TMEM51: variants seen among roughly 807,000 people sequenced by gnomAD.
TMEM51 encodes transmembrane protein 51.
In TMEM51, 8 loss-of-function variants were observed where a neutral mutation model predicts 13.6. The ratio of observed to expected loss-of-function variants is 0.59; its 90% CI spans 0.35 to 1.07. TMEM51 has a LOEUF of 1.07. Among genes scored for constraint, TMEM51 ranks in the 50% least tolerant of loss-of-function variants. The pLI, the probability that TMEM51 is intolerant of heterozygous loss-of-function variation, is 0.02. For missense variants in TMEM51, 279 were observed against 330.7 expected (o/e 0.84, Z 1.21); for synonymous variants, 147 against 144.4 (o/e 1.02, Z -0.13).
chr1:15,189,752 A>G (rs1259555638), intron 1 of TMEM51, among the ~76,000 whole-genome samples: 1 of 152,184 alleles, frequency 6.6e-6, no homozygotes, highest in Non-Finnish European at 1.5e-5. Flanking sequence ...GACATGCAAA[A>G]TGTCCAGCTC....
At chr1:15,206,364 G>A (rs964867475) in intron 1 of TMEM51, among the ~76,000 whole-genome samples, 17 of 152,114 alleles carry the variant, frequency 1.1e-4, no homozygotes, top group Middle Eastern at 3.4e-3. Flanking sequence ...AAGGAAGGAG[G>A]GAGGGTAGGG....
intron 1 of TMEM51, among the ~76,000 whole-genome samples, chr1:15,195,038 C>T (rs1228462662): frequency 2.7e-5 from 4 of 149,896 alleles, no homozygotes; most frequent in Non-Finnish European, 5.9e-5. Context: ...GATCCTCCCA[C>T]TTCAGCCTCC....
At chr1:15,212,941 G>A (rs1339394200) in intron 2 of TMEM51, among the ~76,000 whole-genome samples, 2 of 152,222 alleles carry the variant, frequency 1.3e-5, no homozygotes, top group Non-Finnish European at 2.9e-5. Flanking sequence ...CAAGAGCAGA[G>A]CCAGTGCGTT....
At chr1:15,169,133 A>G (rs1433708127) in intron 1 of TMEM51, among the ~76,000 whole-genome samples, 1 of 152,168 alleles carries the variant, frequency 6.6e-6, no homozygotes, top group Non-Finnish European at 1.5e-5. Context: ...CTTCTCCAAG[A>G]GTTTAGTGAG....
At chr1:15,204,961 C>G (rs909691851) in intron 1 of TMEM51, among the ~76,000 whole-genome samples, 1 of 152,116 alleles carries the variant, frequency 6.6e-6, no homozygotes, top group Non-Finnish European at 1.5e-5. Flanking sequence ...TTCGAGGTGT[C>G]AGACTCACAT....
chr1:15,219,708 CAGG>C lies in TMEM51; in HGVS notation c.730_732del (p.Glu244del). ...TCCTCCACCGCAGTATGATGAAGTC[CAGG>C]AGAAGGCCCCCGACACCCGGCCGCC... On this transcript the variant is annotated inframe_deletion, in exon 4 of 4. Coordinates refer to ENST00000376008, the MANE Select transcript of TMEM51 (RefSeq NM_001136218.2). 6.2e-7 allele frequency: 1 copy of C among 1,613,658 alleles called. No individual in the cohort carries two copies. The highest frequency in any genetic ancestry group is 8.5e-7 in the Non-Finnish European group (1 of 1,179,958).
chr1:15,167,327 A>C (rs12733504), intron 1 of TMEM51, among the ~76,000 whole-genome samples: 5,694 of 31,148 alleles, frequency 0.18, 425 homozygotes, highest in East Asian at 0.27. Context: ...ACTCCATCTC[A>C]AAAAAAAAAA....
intron 1 of TMEM51, chr1:15,192,224 C>A: frequency 5.6e-6 from 2 of 356,330 alleles, no homozygotes; most frequent in South Asian, 2.5e-5. Flanking sequence ...CTTTCTAAAT[C>A]CAGAAAATCT....
chr1:15,159,171 CTG>C (rs1642687056), intron 1 of TMEM51, among the ~76,000 whole-genome samples: 1 of 152,236 alleles, frequency 6.6e-6, no homozygotes. Flanking sequence ...TTTTAAAACT[CTG>C]TGACTTTAAA....
chr1:15,171,630 C>G (rs942979118), intron 1 of TMEM51, among the ~76,000 whole-genome samples: 3 of 152,240 alleles, frequency 2.0e-5, no homozygotes, highest in Admixed American at 1.3e-4. Flanking sequence ...TCATGATGAC[C>G]TCTAAAGTGT....
chr1:15,172,392 A>G (rs1451716526), intron 1 of TMEM51, among the ~76,000 whole-genome samples: 2 of 150,144 alleles, frequency 1.3e-5, no homozygotes, highest in Non-Finnish European at 3.0e-5. Flanking sequence ...TGTCTCAAAA[A>G]AAAAAAAAAA....
At chr1:15,171,732 G>A (rs1324776541) in intron 1 of TMEM51, among the ~76,000 whole-genome samples, 1 of 152,168 alleles carries the variant, frequency 6.6e-6, no homozygotes, top group Non-Finnish European at 1.5e-5. Flanking sequence ...AGGGGATTCT[G>A]GGAAAAGTAG....
rs1219824441 is a variant in TMEM51 at position 15,207,375 on chromosome 1, C to G, written c.-266-3115C>G. Among the ~76,000 whole-genome samples the G allele has an allele frequency of 6.6e-6, 1 of 152,236 alleles. No homozygotes were observed. Among genetic ancestry groups the G allele is most frequent in the East Asian group, 1.9e-4 (1 of 5,200 alleles). On this transcript the variant is annotated intron_variant, in intron 1 of 3. Coordinates refer to ENST00000376008, the MANE Select transcript of TMEM51 (RefSeq NM_001136218.2). This position sits in a 1 kb window ranked among gnomAD's most constrained non-coding sequence, Gnocchi z 4.6. ...TAAACTGTGTCCTGGAGAGTTTCTG[C>G]AATTCAGCGAGAAGAGGCAGCGGAA... is the stretch of plus-strand genomic sequence containing the variant.
rs546404945 is a variant in TMEM51 at position 15,194,425 on chromosome 1, G to T, written c.-266-16065G>T. On this transcript the variant is annotated intron_variant, in intron 1 of 3. Coordinates refer to ENST00000376008, the MANE Select transcript of TMEM51 (RefSeq NM_001136218.2). ...ATTGGGTCACCTGGAGCTCAGCCCCGCATTGTCCATCAGTCCATTCCTGCC... is the reference window on the plus strand; with the variant it reads ...ATTGGGTCACCTGGAGCTCAGCCCCTCATTGTCCATCAGTCCATTCCTGCC... Among the ~76,000 whole-genome samples, 8 of 152,316 alleles carry T rather than the reference G, an allele frequency of 5.3e-5. No homozygotes were observed. In the South Asian group the frequency reaches 1.5e-3, roughly 28 times the overall value.
At chr1:15,182,206 A>AAATG (rs1452812707) in intron 1 of TMEM51, among the ~76,000 whole-genome samples, 126 of 148,926 alleles carry the variant, frequency 8.5e-4, no homozygotes, top group East Asian at 5.9e-3. Flanking sequence ...ATAAATAAAT[A>AAATG]ACTGCACTAG....
intron 1 of TMEM51, among the ~76,000 whole-genome samples, chr1:15,209,519 T>A (rs544552155): frequency 2.6e-5 from 4 of 152,306 alleles, no homozygotes; most frequent in African/African-American, 9.6e-5. Context: ...TTCTGCAGTG[T>A]GTATTCTTCT....
chr1:15,175,908 C>G (rs1419662822), intron 1 of TMEM51, among the ~76,000 whole-genome samples: 1 of 152,222 alleles, frequency 6.6e-6, no homozygotes, highest in Non-Finnish European at 1.5e-5. Context: ...CCTGGGACTT[C>G]CCCACCTCCC....
intron 1 of TMEM51, among the ~76,000 whole-genome samples, chr1:15,185,288 A>G (rs1413892755): frequency 6.6e-6 from 1 of 152,188 alleles, no homozygotes; most frequent in Non-Finnish European, 1.5e-5. Flanking sequence ...TATTCATTCT[A>G]TCAGTTGTGA....
intron 1 of TMEM51, among the ~76,000 whole-genome samples, chr1:15,193,777 G>A (rs1005960477): frequency 6.6e-6 from 1 of 152,066 alleles, no homozygotes; most frequent in Non-Finnish European, 1.5e-5. Flanking sequence ...GGCTGGTCTC[G>A]AACTCCTGAC....
Sources: gnomAD v4.1 joint callset for allele counts (sites outside exome capture counted in the v4.1 genomes callset) on GRCh38, gnomAD v4.1.1 for gene constraint, Gnocchi (gnomAD v3.1) non-coding constraint, MANE v1.5 for transcripts, NCBI Gene and HGNC (gene_info 2026-07-23, HGNC 2026-07-21) for gene names.